SRPRB: variants seen among roughly 807,000 people sequenced by gnomAD.
SRPRB encodes SRP receptor subunit beta, also known as signal recognition particle receptor subunit beta.
A neutral mutation model predicts 31.9 loss-of-function variants in SRPRB; 20 were observed. The observed-to-expected ratio is 0.63, with a 90% CI of 0.44 to 0.91. SRPRB has a LOEUF of 0.91. SRPRB is among the 40% of genes least tolerant of loss of function. The pLI is 0.00. For synonymous variants in SRPRB, 146 were observed against 132.8 expected, an observed-to-expected ratio of 1.10 and a Z score of -0.68; for missense variants, 321 against 324.9, an observed-to-expected ratio of 0.99 and a Z score of 0.09.
intron 1 of SRPRB, chr3:133,786,756 G>A (rs1469708804): frequency 6.6e-6 from 1 of 152,230 alleles, no homozygotes; most frequent in East Asian, 1.9e-4. Context: ...ATACTTGGAA[G>A]ACTCAGTCAT....
chr3:133,825,206 G>T (rs1481734646), downstream of SRPRB: 1 of 152,190 alleles, frequency 6.6e-6, no homozygotes, highest in Non-Finnish European at 1.5e-5. Context: ...TCCATCTTGT[G>T]AAGGAATGAG....
chr3:133,800,331 A>T (rs1044236442), intron 1 of SRPRB, among the ~76,000 whole-genome samples: 1 of 152,208 alleles, frequency 6.6e-6, no homozygotes, highest in Non-Finnish European at 1.5e-5. Flanking sequence ...ACATTGTACA[A>T]TGTATGCTGT....
At chr3:133,800,335 A>G (rs1935042880) in intron 1 of SRPRB, among the ~76,000 whole-genome samples, 2 of 152,252 alleles carry the variant, frequency 1.3e-5, no homozygotes, top group Non-Finnish European at 2.9e-5. Context: ...TGTACAATGT[A>G]TGCTGTGGGA....
chr3:133,799,584 A>C (rs1475676461), intron 1 of SRPRB, among the ~76,000 whole-genome samples: 1 of 152,202 alleles, frequency 6.6e-6, no homozygotes, highest in East Asian at 1.9e-4. Flanking sequence ...CAAAATGAAG[A>C]TCTATTACCT....
intron 1 of SRPRB, chr3:133,789,493 G>C (rs1191299218): frequency 6.6e-6 from 1 of 152,172 alleles, no homozygotes. Flanking sequence ...AAGTAAAATT[G>C]GCAAGCTTGT....
chr3:133,811,157 G>C lies in SRPRB; in HGVS notation c.368G>C (p.Ser123Thr). Residue 123 changes from serine (S) to threonine (T), a missense_variant, in exon 4 of 7, where the codon AGT (serine) becomes ACT (threonine). Transcript: ENST00000678299. ...LTLIDLPGHE[S>T]LRLQFLERFK... ...TTGATTGACCTTCCCGGCCATGAGAGTTTGAGGCTTCAGTTCTTAGAGCGG... is the reference window on the plus strand; with the variant it reads ...TTGATTGACCTTCCCGGCCATGAGACTTTGAGGCTTCAGTTCTTAGAGCGG... 1 of 1,614,136 alleles carries C rather than the reference G, an allele frequency of 6.2e-7. No homozygotes were observed. The highest frequency in any genetic ancestry group is 8.5e-7 in the Non-Finnish European group (1 of 1,180,016).
At position 133,807,810 on chromosome 3, in the gene SRPRB, T is replaced by C. The variant is rs1253204801; in HGVS notation, c.314T>C (p.Val105Ala). ...ACTGACAGCTGTGCTGTATACAGAG[T>C]CAACAATAACAGGGTAAGATGTTTG... is the stretch of plus-strand genomic sequence containing the variant. Reference protein sequence around the residue: ...SITDSCAVYRVNNNRGNSLTL... With the variant: ...SITDSCAVYRANNNRGNSLTL... The change falls in exon 3 of 7, where the codon GTC (valine) becomes GCC (alanine). Residue 105 changes from valine to alanine, a missense_variant. Coordinates refer to ENST00000678299, the MANE Select transcript of SRPRB (RefSeq NM_001379313.1). The C allele has an allele frequency of 6.2e-7, 1 of 1,610,644 alleles. No homozygotes were observed. Among genetic ancestry groups the C allele is most frequent in the Non-Finnish European group, 8.5e-7 (1 of 1,179,126 alleles).
In SRPRB at chr3:133,819,588, G is replaced by A; in HGVS notation, c.638G>A (p.Ser213Asn). 4 of 1,614,164 alleles carry A rather than the reference G, an allele frequency of 2.5e-6. No homozygotes were observed. Among genetic ancestry groups the A allele is most frequent in the Non-Finnish European group, 3.4e-6 (4 of 1,180,040 alleles). The change falls in exon 7 of 7, where the codon AGC (serine) becomes AAC (asparagine). Residue 213 changes from serine (S) to asparagine (N), a missense_variant. Ser to Asn is a conservative substitution (Grantham distance 46, BLOSUM62 1). Coordinates refer to ENST00000678299, the MANE Select transcript of SRPRB (RefSeq NM_001379313.1). ...TLRVTRSAAP[S>N]TLDSSSTAPA... ...CGAGTTACCCGTTCTGCTGCCCCCA[G>A]CACACTGGACAGTTCCAGCACTGCC... is the stretch of plus-strand genomic sequence containing the variant.
At chr3:133,809,930 A>G (rs1436628520) in intron 3 of SRPRB, among the ~76,000 whole-genome samples, 3 of 152,106 alleles carry the variant, frequency 2.0e-5, no homozygotes, top group South Asian at 4.1e-4. Context: ...GTTATTCTAT[A>G]TTTCTACTAT....
chr3:133,810,355 A>G (rs1390688817), intron 3 of SRPRB: 5 of 152,244 alleles, frequency 3.3e-5, no homozygotes, highest in African/African-American at 1.2e-4. Context: ...GGTCTGCTGC[A>G]TGTACCAGGC....
intron 1 of SRPRB, chr3:133,786,980 G>A (rs1006849547): frequency 9.9e-5 from 15 of 152,266 alleles, no homozygotes; most frequent in Admixed American, 6.5e-4. Context: ...AGCCACCTCT[G>A]TAAGCAGTAT....
At chr3:133,822,992 G>A (rs979130731), downstream of SRPRB, among the ~76,000 whole-genome samples, 3 of 152,172 alleles carry the variant, frequency 2.0e-5, no homozygotes, top group African/African-American at 4.8e-5. Context: ...TAAACAAAAC[G>A]CAATTCCTGC....
downstream of SRPRB, among the ~76,000 whole-genome samples, chr3:133,822,269 T>C (rs1350246820): frequency 6.6e-6 from 1 of 151,722 alleles, no homozygotes; most frequent in Non-Finnish European, 1.5e-5. Context: ...GGACAGCAGC[T>C]GCCTAATGCA....
intron 1 of SRPRB, chr3:133,796,479 G>C (rs1934975398): frequency 6.6e-6 from 1 of 152,268 alleles, no homozygotes; most frequent in African/African-American, 2.4e-5. Flanking sequence ...AATGTCTTCT[G>C]TATTTACATA....
intron 2 of SRPRB, among the ~76,000 whole-genome samples, chr3:133,807,067 C>T (rs1935176615): frequency 6.6e-6 from 1 of 152,118 alleles, no homozygotes; most frequent in African/African-American, 2.4e-5. Flanking sequence ...GACACTTTTT[C>T]ACAGGGTGAT....
At chr3:133,803,903 T>G (rs553656832), upstream of SRPRB, among the ~76,000 whole-genome samples, 1 of 151,472 alleles carries the variant, frequency 6.6e-6, no homozygotes, top group African/African-American at 2.4e-5. Flanking sequence ...GAGACCATCC[T>G]GGCTAACATG....
intron 1 of SRPRB, chr3:133,788,218 G>C (rs13321671): frequency 0.069 from 10,574 of 152,256 alleles, 404 homozygotes; most frequent in Non-Finnish European, 0.087. Context: ...AAATGACTTT[G>C]TAACTTTATT....
At chr3:133,827,884 G>A (rs777529933), downstream of SRPRB, 228 of 702,084 alleles carry the variant, frequency 3.2e-4, no homozygotes, top group Non-Finnish European at 5.1e-4. Context: ...GCCCAGGCAT[G>A]TGTACTGACT....
chr3:133,805,091 G>A (rs897397962), upstream of SRPRB, among the ~76,000 whole-genome samples: 1 of 152,140 alleles, frequency 6.6e-6, no homozygotes, highest in Non-Finnish European at 1.5e-5. Context: ...CACCTACCTG[G>A]CTGAATAGGG....
Sources: gnomAD v4.1 joint callset for allele counts (sites outside exome capture counted in the v4.1 genomes callset) on GRCh38, gnomAD v4.1.1 for gene constraint, MANE v1.5 for transcripts, NCBI Gene and HGNC (gene_info 2026-07-23, HGNC 2026-07-21) for gene names.